The following USP9X variants were observed in gnomAD, a reference collection of about 807,000 sequenced individuals.
The protein encoded by USP9X is ubiquitin specific peptidase 9 X-linked.
USP9X carries 7 observed loss-of-function variants against 190.3 expected under a neutral mutation model. The observed-to-expected ratio is 0.04, with a 90% CI of 0.02 to 0.07. USP9X has a LOEUF of 0.07. Among genes scored for constraint, USP9X ranks in the 10% least tolerant of loss-of-function variants. The probability of loss-of-function intolerance (pLI) is 1.00; values close to 1 mark genes in which losing one functional copy is unlikely to be tolerated. For missense variants in USP9X, 1,010 were observed against 1,916.9 expected, an observed-to-expected ratio of 0.53 and a Z score of 8.83; for synonymous variants, 645 against 659.5, an observed-to-expected ratio of 0.98 and a Z score of 0.34.
intron 5 of USP9X, among the ~76,000 whole-genome samples, chrX:41,136,314 G>T (rs1029748246): frequency 9.0e-6 from 1 of 111,071 alleles, no homozygotes; most frequent in Non-Finnish European, 1.9e-5. Flanking sequence ...GCACATGCCA[G>T]CACACGTGGC....
At chrX:41,164,406 C>T (rs771371083) in intron 15 of USP9X, among the ~76,000 whole-genome samples, 2 of 110,485 alleles carry the variant, frequency 1.8e-5, no homozygotes, top group Non-Finnish European at 1.9e-5. Context: ...TTGCCTCCTC[C>T]CCACATTGAG....
intron 2 of USP9X, among the ~76,000 whole-genome samples, chrX:41,125,373 C>G (rs113896714): frequency 0.19 from 14,471 of 76,851 alleles, 899 homozygotes; most frequent in East Asian, 0.3. Flanking sequence ...CGGTACCCGG[C>G]CGATCCATTT....
At chrX:41,159,525 CT>C (rs761084537) in intron 14 of USP9X, among the ~76,000 whole-genome samples, 6,076 of 104,131 alleles carry the variant, frequency 0.058, 184 homozygotes, top group Middle Eastern at 0.097. Context: ...TTGCATGATT[CT>C]TTTTTTTTTT....
At chrX:41,180,222 T>G (rs781590264) in intron 21 of USP9X, among the ~76,000 whole-genome samples, 2 of 112,839 alleles carry the variant, frequency 1.8e-5, no homozygotes, top group East Asian at 5.5e-4. Flanking sequence ...TCAAAAGATA[T>G]ATTTCATTCT....
chrX:41,232,726 A>AT lies in USP9X; in HGVS notation c.*203dup, dbSNP rs2063372233. ...AGTGGAAAGTGTATAGTGTTTTGTAATAAATGGCCTGATGCTAATGTGTAA... is the reference window on the plus strand; with the variant it reads ...AGTGGAAAGTGTATAGTGTTTTGTAATTAAATGGCCTGATGCTAATGTGTAA... On this transcript the variant is annotated 3_prime_UTR_variant, in exon 45 of 45. Transcript: ENST00000378308. The AT allele has an allele frequency of 2.5e-6, 1 of 404,715 alleles. No individual in the cohort carries two copies. Among genetic ancestry groups the AT allele is most frequent in the Non-Finnish European group, 4.1e-6 (1 of 242,455 alleles). 33.4% of individuals were successfully genotyped at this position (404,715 alleles called of 1,213,427 possible).
intron 32 of USP9X, among the ~76,000 whole-genome samples, chrX:41,206,681 A>G (rs1349204960): frequency 2.7e-5 from 3 of 111,437 alleles, no homozygotes; most frequent in African/African-American, 9.8e-5. Flanking sequence ...GCTACTTCAT[A>G]GGGGATAATG....
chrX:41,098,328 T>A (rs2062008182), intron 1 of USP9X, among the ~76,000 whole-genome samples: 1 of 109,966 alleles, frequency 9.1e-6, no homozygotes, highest in African/African-American at 3.3e-5. Context: ...TTAGTAGAGA[T>A]GGAGTTTGGC....
At chrX:41,122,935 T>C (rs2062203504) in intron 1 of USP9X, among the ~76,000 whole-genome samples, 1 of 111,081 alleles carries the variant, frequency 9.0e-6, no homozygotes, top group African/African-American at 3.3e-5. Context: ...CTTCTCTCCT[T>C]CTCTGCTGTG....
At position 41,140,789 on chromosome X, in the gene USP9X, A is replaced by G; in HGVS notation, c.770+18A>G. ...CTTATTAAGTAAGTTACATTTAAAA[A>G]TCAATGGTTAGTGCACCGTAGAATT... On this transcript the variant is annotated intron_variant, in intron 7 of 44. Coordinates refer to ENST00000378308, the MANE Select transcript of USP9X (RefSeq NM_001039591.3). 1.7e-6 allele frequency: 2 copies of G among 1,166,261 alleles called. No individual in the cohort carries two copies. The highest frequency in any genetic ancestry group is 2.3e-6 in the Non-Finnish European group (2 of 867,127).
At chrX:41,135,975 A>G (rs1367826783) in intron 5 of USP9X, among the ~76,000 whole-genome samples, 1 of 111,175 alleles carries the variant, frequency 9.0e-6, no homozygotes, top group African/African-American at 3.3e-5. Flanking sequence ...GTTGTCAAGC[A>G]GATAATATTT....
At position 41,086,013 on chromosome X, in the gene USP9X, A is replaced by C. The variant is rs919697329; in HGVS notation, c.-255A>C. 1.7e-5 allele frequency: 5 copies of C among 296,180 alleles called. No homozygotes were observed. Among genetic ancestry groups the C allele is most frequent in the Admixed American group, 6.1e-5 (1 of 16,437 alleles). The allele number at this position is 296,180 out of a possible 1,213,427, so 24.4% of individuals were successfully genotyped here. Reference sequence around the variant, plus strand: ...CCGGTCACCCCCGGGCCTGGGATGCACCCAGGGTAGGTCTCGTCCCGGGAC... The same window carrying C: ...CCGGTCACCCCCGGGCCTGGGATGCCCCCAGGGTAGGTCTCGTCCCGGGAC... On this transcript the variant is annotated 5_prime_UTR_variant, in exon 1 of 45. Coordinates refer to ENST00000378308, the MANE Select transcript of USP9X (RefSeq NM_001039591.3).
At position 41,085,524 on chromosome X, in the gene USP9X, C is replaced by G; in HGVS notation, c.-744C>G. ...GTCTCCGCCGCCGCCGGAGCCGCAA[C>G]CTCTCCGCACCCGGCCCCGTCAGGG... On this transcript the variant is annotated 5_prime_UTR_variant, in exon 1 of 45. Transcript: ENST00000378308. 5.1e-6 allele frequency: 1 copy of G among 196,468 alleles called. No individual in the cohort carries two copies. Among genetic ancestry groups the G allele is most frequent in the Non-Finnish European group, 9.3e-6 (1 of 107,694 alleles). The allele number at this position is 196,468 out of a possible 1,213,427, so 16.2% of individuals were successfully genotyped here.
Position 41,216,371 on chromosome X carries a change from A to G in USP9X, c.5804A>G (p.Lys1935Arg). 1 of 1,211,777 alleles carries G rather than the reference A, an allele frequency of 8.3e-7. No individual in the cohort carries two copies. The highest frequency in any genetic ancestry group is 1.1e-6 in the Non-Finnish European group (1 of 895,546). The change falls in exon 35 of 45, where the codon AAG (lysine) becomes AGG (arginine). Residue 1935 changes from lysine to arginine, a missense_variant. Coordinates refer to ENST00000378308, the MANE Select transcript of USP9X (RefSeq NM_001039591.3). ...GGAGAAGTGTTTGATCACATGATGA[A>G]GCGTATGTCATACAGGCGCCAGAAA... ...YMGEVFDHMM[K>R]RMSYRRQKRW...
intron 2 of USP9X, among the ~76,000 whole-genome samples, chrX:41,125,643 A>AACACACACACACACACACACAC (rs748348083): frequency 7.2e-5 from 2 of 27,701 alleles, no homozygotes; most frequent in Admixed American, 3.4e-4. Flanking sequence ...CCCTCCCGCC[A>AACACACACACACACACACACAC]ACACACACAC....
At position 41,150,837 on chromosome X, in the gene USP9X, T is replaced by G. The variant is rs916112505; in HGVS notation, c.1627-84T>G. 1.2e-5 allele frequency: 11 copies of G among 949,538 alleles called. No homozygotes were observed. The African/African-American group carries it at 2.2e-4, about 19-fold the overall frequency. 78.3% of individuals were successfully genotyped at this position (949,538 alleles called of 1,213,427 possible). A position where few individuals can be genotyped will look rare whatever the true frequency, so the allele number is the denominator to read the frequency against. On this transcript the variant is annotated intron_variant, in intron 12 of 44. Transcript: ENST00000378308. ...ATTGCTAATCTTAAAAGAAAAGCTT[T>G]TATTTTATAATTCTCAAAATAATTT... is the stretch of plus-strand genomic sequence containing the variant.
chrX:41,135,337 A>G (rs773072010), intron 5 of USP9X, among the ~76,000 whole-genome samples: 19 of 111,211 alleles, frequency 1.7e-4, no homozygotes, highest in African/African-American at 5.9e-4. Flanking sequence ...GTGAAAATCT[A>G]AACCACAAGC....
chrX:41,108,739 C>T (rs2062087134), intron 1 of USP9X, among the ~76,000 whole-genome samples: 1 of 111,824 alleles, frequency 8.9e-6, no homozygotes, highest in South Asian at 3.7e-4. Flanking sequence ...CTGTGGCTCA[C>T]TTCTCAGAGT....
chrX:41,208,620 A>G (rs73480456), intron 32 of USP9X, among the ~76,000 whole-genome samples: 114 of 112,050 alleles, frequency 1.0e-3, no homozygotes, highest in African/African-American at 3.6e-3. Flanking sequence ...CGGTTTTACT[A>G]ATTAACATTT....
intron 21 of USP9X, among the ~76,000 whole-genome samples, chrX:41,179,662 G>A (rs1332208562): frequency 2.7e-5 from 3 of 111,979 alleles, no homozygotes; most frequent in African/African-American, 6.5e-5. Context: ...CTTCCATTCC[G>A]TATTTGTATC....
Sources: gnomAD v4.1 joint callset for allele counts (sites outside exome capture counted in the v4.1 genomes callset) on GRCh38, gnomAD v4.1.1 for gene constraint, MANE v1.5 for transcripts, NCBI Gene and HGNC (gene_info 2026-07-23, HGNC 2026-07-21) for gene names.